LEKR1: variants seen among roughly 807,000 people sequenced by gnomAD.
LEKR1 encodes the protein protein LEKR1.
In LEKR1, 59 loss-of-function variants were observed where a neutral mutation model predicts 72.4. That is an observed-to-expected ratio of 0.82 (90% CI 0.66 to 1.01). The LOEUF (loss-of-function observed/expected upper bound fraction) is 1.01, where lower values mean the gene tolerates loss of function less well. Ranked by LOEUF, LEKR1 falls within the 50% of genes least tolerant of loss-of-function variation. LEKR1 has a pLI of 0.00. For synonymous variants in LEKR1, 257 were observed against 263.2 expected (o/e 0.98, Z 0.23); for missense variants, 728 against 759.2 (o/e 0.96, Z 0.48).
intron 10 of LEKR1, among the ~76,000 whole-genome samples, chr3:157,020,285 AT>A (rs1733717102): frequency 6.8e-6 from 1 of 146,796 alleles, no homozygotes; most frequent in Admixed American, 6.8e-5. Flanking sequence ...TATTATTATT[AT>A]TATTATTATA....
At chr3:156,917,724 C>T (rs2874490) in intron 3 of LEKR1, among the ~76,000 whole-genome samples, 27,752 of 152,010 alleles carry the variant, frequency 0.18, 3,165 homozygotes, top group African/African-American at 0.32. Flanking sequence ...TGCCAATGCA[C>T]AGGACATTTC....
intron 9 of LEKR1, among the ~76,000 whole-genome samples, chr3:157,002,721 A>T (rs769991440): frequency 3.3e-5 from 5 of 152,198 alleles, no homozygotes; most frequent in Non-Finnish European, 7.4e-5. Flanking sequence ...TTATATTTTT[A>T]TAACAATTTA....
chr3:156,831,172 G>T (rs1239931471), intron 2 of LEKR1, among the ~76,000 whole-genome samples: 2 of 152,020 alleles, frequency 1.3e-5, no homozygotes, highest in African/African-American at 2.4e-5. Flanking sequence ...TGTAGAAAAT[G>T]GTCCATGTGT....
chr3:156,948,319 C>T (rs939836432), intron 6 of LEKR1, among the ~76,000 whole-genome samples: 2 of 151,028 alleles, frequency 1.3e-5, no homozygotes, highest in Admixed American at 6.6e-5. Flanking sequence ...ATAGAGTAGA[C>T]AAAAGCTATT....
At chr3:156,836,778 T>A (rs1713196688) in intron 2 of LEKR1, among the ~76,000 whole-genome samples, 1 of 152,130 alleles carries the variant, frequency 6.6e-6, no homozygotes, top group South Asian at 2.1e-4. Context: ...TCAGAAGCTG[T>A]CCATGGAGAA....
chr3:156,954,843 C>T (rs535652931), intron 6 of LEKR1, among the ~76,000 whole-genome samples: 1 of 151,908 alleles, frequency 6.6e-6, no homozygotes, highest in Non-Finnish European at 1.5e-5. Flanking sequence ...TAGTCAGGCT[C>T]TTTTAGGTTC....
intron 11 of LEKR1, 40 bp downstream of exon 11, chr3:157,024,964 A>G: frequency 7.3e-7 from 1 of 1,376,736 alleles, no homozygotes; most frequent in Non-Finnish European, 1.0e-6. Flanking sequence ...AATAGATTTG[A>G]AACTGCAGAT....
intron 6 of LEKR1, among the ~76,000 whole-genome samples, chr3:156,977,331 C>A (rs1010983608): frequency 2.6e-5 from 4 of 152,128 alleles, no homozygotes; most frequent in African/African-American, 9.7e-5. Flanking sequence ...TAGTAGCATG[C>A]AAGTACCTGT....
intron 3 of LEKR1, among the ~76,000 whole-genome samples, chr3:156,899,317 T>A (rs1721559740): frequency 1.4e-5 from 2 of 139,230 alleles, no homozygotes; most frequent in South Asian, 4.3e-4. Context: ...TACACACATG[T>A]ATATATACAT....
chr3:157,041,189 C>T (rs1388671265), intron 12 of LEKR1, among the ~76,000 whole-genome samples: 1 of 152,100 alleles, frequency 6.6e-6, no homozygotes, highest in Non-Finnish European at 1.5e-5. Context: ...ATAGATCATG[C>T]TCGCCACCAA....
Position 156,838,094 on chromosome 3 carries a change from G to A in LEKR1, c.48+8717G>A, listed in dbSNP as rs1415905443. On this transcript the variant is annotated intron_variant, in intron 2 of 12. Coordinates refer to ENST00000356539, the MANE Select transcript of LEKR1 (RefSeq NM_001004316.3). ...AGCATCCAAGTATTGACCTGGCAAG[G>A]CTTAAACTTGCCTCTGTTGGCCCGT... 2.0e-5 allele frequency among the ~76,000 whole-genome samples: 3 copies of A among 152,142 alleles called. No individual in the cohort carries two copies. The East Asian group carries it at 5.8e-4, about 29-fold the overall frequency.
At chr3:156,936,848 G>T (rs139184274) in intron 5 of LEKR1, among the ~76,000 whole-genome samples, 1 of 152,058 alleles carries the variant, frequency 6.6e-6, no homozygotes, top group African/African-American at 2.4e-5. Flanking sequence ...TGGATTAACC[G>T]CAGACTTAAA....
At chr3:157,004,394 C>T (rs148753349) in intron 9 of LEKR1, among the ~76,000 whole-genome samples, 2 of 152,078 alleles carry the variant, frequency 1.3e-5, no homozygotes, top group Non-Finnish European at 2.9e-5. Flanking sequence ...TGTCAATACC[C>T]CCTCTTAATA....
intron 1 of LEKR1, among the ~76,000 whole-genome samples, chr3:156,828,377 C>T (rs1448654780): frequency 6.6e-6 from 1 of 152,142 alleles, no homozygotes; most frequent in East Asian, 1.9e-4. Context: ...TGATTGAATA[C>T]AAGCAACCTC....
chr3:156,998,099 A>T (rs1381186910), intron 9 of LEKR1, among the ~76,000 whole-genome samples: 1 of 151,818 alleles, frequency 6.6e-6, no homozygotes, highest in Non-Finnish European at 1.5e-5. Context: ...GGCCATTTTT[A>T]AAATTCTTGT....
chr3:156,833,191 C>G (rs1712664572), intron 2 of LEKR1, among the ~76,000 whole-genome samples: 1 of 152,170 alleles, frequency 6.6e-6, no homozygotes, highest in Non-Finnish European at 1.5e-5. Context: ...TCTCTTAGTT[C>G]AGTCCATACA....
chr3:156,911,573 G>A (rs1723111577), intron 3 of LEKR1, among the ~76,000 whole-genome samples: 1 of 151,726 alleles, frequency 6.6e-6, no homozygotes. Flanking sequence ...TAAATTCTTT[G>A]GAAAAACTGA....
intron 3 of LEKR1, among the ~76,000 whole-genome samples, chr3:156,890,161 G>C (rs1456546604): frequency 1.3e-5 from 2 of 152,132 alleles, no homozygotes; most frequent in East Asian, 3.9e-4. Context: ...TTTTTGTTTT[G>C]TTTTATTATT....
chr3:156,870,135 G>A (rs1717757830), intron 3 of LEKR1, among the ~76,000 whole-genome samples: 1 of 152,018 alleles, frequency 6.6e-6, no homozygotes, highest in South Asian at 2.1e-4. Context: ...AAGTCAGATG[G>A]TGTGGTGCTT....
Sources: allele counts gnomAD v4.1 joint callset (sites outside exome capture counted in the v4.1 genomes callset), GRCh38; gene constraint gnomAD v4.1.1; transcripts MANE v1.5; gene names NCBI Gene and HGNC (gene_info 2026-07-23, HGNC 2026-07-21).